The following RBFOX2 variants were observed in gnomAD, a reference collection of about 807,000 sequenced individuals.
The protein encoded by RBFOX2 is RNA binding protein fox-1 homolog 2.
A neutral mutation model predicts 49.1 loss-of-function variants in RBFOX2; 10 were observed. That is an observed-to-expected ratio of 0.20 (90% CI 0.13 to 0.35). The LOEUF (loss-of-function observed/expected upper bound fraction) is 0.35. Ranked by LOEUF, RBFOX2 falls within the 10% of genes least tolerant of loss-of-function variation. The pLI is 1.00. For synonymous variants in RBFOX2, 183 were observed against 187.4 expected (o/e 0.98, Z 0.19); for missense variants, 323 against 486.9 (o/e 0.66, Z 3.17).
Position 35,756,287 on chromosome 22 carries a change from A to C in RBFOX2, c.887+3601T>G, listed in dbSNP as rs1278246802. The C allele has an allele frequency of 2.6e-5, 15 of 577,642 alleles. No individual in the cohort carries two copies. In the East Asian group the frequency reaches 5.2e-4, roughly 20 times the overall value. The allele number at this position is 577,642 out of a possible 1,614,324, so 35.8% of individuals were successfully genotyped here. ...CATAACCTGGGCTTGGGGCCTCGGC[A>C]AGTTGGTGAGAAAATGTGAAAGTGC... On this transcript the variant is annotated intron_variant, in intron 9 of 11. Transcript: ENST00000405409.
In RBFOX2 at chr22:35,759,866, G is replaced by T. The variant is rs1254842575; in HGVS notation, c.887+22C>A. ...CAACTGCTTATTTTAGAAACATACT[G>T]ATTTTGGAATCTAACGCTTACCCTG... On this transcript the variant is annotated intron_variant, in intron 9 of 11. Transcript: ENST00000405409. The surrounding 1 kb of genome is among the most constrained non-coding windows in gnomAD (Gnocchi z 4.6). The T allele has an allele frequency of 1.2e-6, 2 of 1,612,236 alleles. No individual in the cohort carries two copies.
Position 35,821,746 on chromosome 22 carries a change from G to A in RBFOX2, c.28-11742C>T, listed in dbSNP as rs530377463. ...AGGCTGCCATTAGGGATTACTGACT[G>A]CTCTGACCACCCCCAAGCTTTGGCA... On this transcript the variant is annotated intron_variant, in intron 1 of 11. Transcript: ENST00000405409. 8 of 518,176 alleles carry A rather than the reference G, an allele frequency of 1.5e-5. No individual in the cohort carries two copies. The Admixed American group carries it at 1.6e-4, about 10-fold the overall frequency. 32.1% of individuals were successfully genotyped at this position (518,176 alleles called of 1,614,324 possible). A position where few individuals can be genotyped will look rare whatever the true frequency, so the allele number is the denominator to read the frequency against.
At chr22:35,773,446 TAAAGA>T (rs1490822057) in intron 4 of RBFOX2, among the ~76,000 whole-genome samples, 1 of 152,046 alleles carries the variant, frequency 6.6e-6, no homozygotes, top group Non-Finnish European at 1.5e-5. Context: ...GTTCCTAGCA[TAAAGA>T]AAAGATAAAT....
exon 12 of RBFOX2, chr22:35,744,222 G>A: frequency 6.2e-7 from 1 of 1,610,806 alleles, no homozygotes. Flanking sequence ...GGGGCAAATC[G>A]GCTGTAGCCA....
chr22:35,852,006 T>TG (rs1463155501), intron 1 of RBFOX2, among the ~76,000 whole-genome samples: 1 of 152,120 alleles, frequency 6.6e-6, no homozygotes, highest in Non-Finnish European at 1.5e-5. Flanking sequence ...TCCTTATCCT[T>TG]GGGTTACACA....
At chr22:35,809,330 GAGA>G (rs1490677777) in intron 2 of RBFOX2, among the ~76,000 whole-genome samples, 9 of 152,134 alleles carry the variant, frequency 5.9e-5, no homozygotes, top group Non-Finnish European at 4.4e-5. Context: ...ATAAGATGTA[GAGA>G]AGAAGACGAA....
At chr22:35,801,653 C>T (rs1023149293) in intron 2 of RBFOX2, among the ~76,000 whole-genome samples, 7 of 151,938 alleles carry the variant, frequency 4.6e-5, no homozygotes, top group African/African-American at 1.2e-4. Flanking sequence ...GGTGAAACCT[C>T]GTCTCTACTA....
At chr22:35,771,184 G>A (rs1942559717) in intron 4 of RBFOX2, among the ~76,000 whole-genome samples, 1 of 152,180 alleles carries the variant, frequency 6.6e-6, no homozygotes, top group Non-Finnish European at 1.5e-5. Flanking sequence ...TTAAGTTAAT[G>A]ATCTTGAGAT....
chr22:35,810,194 C>G (rs1470974625), intron 1 of RBFOX2, among the ~76,000 whole-genome samples, 190 bp from the exon 3 acceptor site: 3 of 115,412 alleles, frequency 2.6e-5, no homozygotes, highest in East Asian at 2.3e-4. Context: ...GACAGACACA[C>G]ACACACACAC....
chr22:35,742,968 T>A (rs751517601), exon 12 of RBFOX2: 1 of 152,668 alleles, frequency 6.6e-6, no homozygotes, highest in Non-Finnish European at 1.5e-5. Flanking sequence ...GATAGAGAAG[T>A]GACTCATAAA....
At chr22:35,952,220 T>C (rs1339842206) in intron 1 of RBFOX2, among the ~76,000 whole-genome samples, 2 of 152,252 alleles carry the variant, frequency 1.3e-5, no homozygotes, top group African/African-American at 4.8e-5. Context: ...AAAGGACTTT[T>C]GGAAGCTTGA....
At chr22:36,015,121 G>A (rs1016649989) in intron 1 of RBFOX2, among the ~76,000 whole-genome samples, 4 of 152,266 alleles carry the variant, frequency 2.6e-5, no homozygotes, top group Admixed American at 2.0e-4. Flanking sequence ...CCCAAATACA[G>A]ACCTTTTGAG....
chr22:35,809,055 T>TAA (rs573632268), intron 2 of RBFOX2, among the ~76,000 whole-genome samples: 65 of 136,296 alleles, frequency 4.8e-4, no homozygotes, highest in African/African-American at 6.9e-4. Context: ...GCATTTGCAT[T>TAA]AAAAAAAAAA....
chr22:35,872,362 T>C (rs1290257188), intron 1 of RBFOX2, among the ~76,000 whole-genome samples: 1 of 152,090 alleles, frequency 6.6e-6, no homozygotes, highest in African/African-American at 2.4e-5. Flanking sequence ...GGGTGCTCTT[T>C]TAGTTTGCCG....
intron 1 of RBFOX2, among the ~76,000 whole-genome samples, chr22:35,944,038 T>C (rs889490622): frequency 6.6e-6 from 1 of 152,264 alleles, no homozygotes; most frequent in Non-Finnish European, 1.5e-5. Context: ...TACCTACATC[T>C]GTAAAATCTC....
At chr22:35,827,728 C>T (rs749726857) in intron 1 of RBFOX2, among the ~76,000 whole-genome samples, 19 of 152,284 alleles carry the variant, frequency 1.2e-4, no homozygotes, top group African/African-American at 3.9e-4. Context: ...ACACATCTTA[C>T]GCATTCTTCC....
chr22:35,949,463 T>C (rs1291520135), intron 1 of RBFOX2, among the ~76,000 whole-genome samples: 2 of 152,240 alleles, frequency 1.3e-5, no homozygotes, highest in African/African-American at 4.8e-5. Flanking sequence ...AATATTTAAC[T>C]TTTTAAGGGA....
chr22:35,936,020 T>G (rs908246922), intron 1 of RBFOX2, among the ~76,000 whole-genome samples: 1 of 152,058 alleles, frequency 6.6e-6, no homozygotes, highest in African/African-American at 2.4e-5. Context: ...CAGATGGTTC[T>G]CATCTATTTA....
At chr22:35,781,322 T>C (rs543673047) in intron 3 of RBFOX2, among the ~76,000 whole-genome samples, 12 of 152,332 alleles carry the variant, frequency 7.9e-5, no homozygotes, top group African/African-American at 2.6e-4. Context: ...GTGACCATCC[T>C]GGTTTCAGCA....
Sources: gnomAD v4.1 joint callset for allele counts (sites outside exome capture counted in the v4.1 genomes callset) on GRCh38, gnomAD v4.1.1 for gene constraint, Gnocchi (gnomAD v3.1) non-coding constraint, MANE v1.5 for transcripts, NCBI Gene and HGNC (gene_info 2026-07-23, HGNC 2026-07-21) for gene names.